The following ELMO1 variants were observed in gnomAD, a reference collection of about 807,000 sequenced individuals.
The protein encoded by ELMO1 is engulfment and cell motility protein 1.
A neutral mutation model predicts 98.9 loss-of-function variants in ELMO1; 26 were observed. That is an observed-to-expected ratio of 0.26 (90% CI 0.19 to 0.36). ELMO1 has a LOEUF of 0.36. Ranked by LOEUF, ELMO1 falls within the 10% of genes least tolerant of loss-of-function variation. ELMO1 has a pLI of 1.00. For synonymous variants in ELMO1, 346 were observed against 346.0 expected, an observed-to-expected ratio of 1.00 and a Z score of 0.00; for missense variants, 627 against 935.2, an observed-to-expected ratio of 0.67 and a Z score of 4.30.
chr7:37,207,792 A>G (rs1483626284), intron 13 of ELMO1, among the ~76,000 whole-genome samples: 1 of 152,088 alleles, frequency 6.6e-6, no homozygotes, highest in Non-Finnish European at 1.5e-5. Flanking sequence ...AAATACAAAC[A>G]TTAGCTGGGT....
At chr7:37,242,070 G>C (rs1794791570) in intron 7 of ELMO1, among the ~76,000 whole-genome samples, 1 of 151,748 alleles carries the variant, frequency 6.6e-6, no homozygotes, top group Non-Finnish European at 1.5e-5. Context: ...TCAAATATTT[G>C]CCTTCCCCAT....
chr7:37,133,849 C>A (rs1167800500), intron 13 of ELMO1, among the ~76,000 whole-genome samples: 1 of 152,146 alleles, frequency 6.6e-6, no homozygotes, highest in Non-Finnish European at 1.5e-5. Context: ...TCTTTAGGGT[C>A]ACCACACACA....
At chr7:37,230,470 G>A (rs980846387) in intron 8 of ELMO1, among the ~76,000 whole-genome samples, 1 of 152,186 alleles carries the variant, frequency 6.6e-6, no homozygotes, top group African/African-American at 2.4e-5. Context: ...CCCTGACCAT[G>A]TGACCAAGGA....
At chr7:37,043,177 C>T (rs1795618576) in intron 15 of ELMO1, among the ~76,000 whole-genome samples, 2 of 152,136 alleles carry the variant, frequency 1.3e-5, no homozygotes, top group South Asian at 4.1e-4. Context: ...CCAATTACCA[C>T]TAAATAAAGA....
At chr7:37,029,945 G>A (rs1794783270) in intron 15 of ELMO1, among the ~76,000 whole-genome samples, 1 of 152,034 alleles carries the variant, frequency 6.6e-6, no homozygotes, top group South Asian at 2.1e-4. Flanking sequence ...CAGTCTTACT[G>A]ACTTATAATG....
chr7:36,908,802 C>T (rs1046345477), intron 16 of ELMO1, among the ~76,000 whole-genome samples: 2 of 152,110 alleles, frequency 1.3e-5, no homozygotes, highest in African/African-American at 2.4e-5. Context: ...TAATTAGGTA[C>T]AGTATCAAGT....
intron 16 of ELMO1, among the ~76,000 whole-genome samples, chr7:36,956,875 C>T (rs1212565173): frequency 1.3e-5 from 2 of 152,292 alleles, no homozygotes; most frequent in South Asian, 2.1e-4. Context: ...AAGGAAAGCA[C>T]GTGTTGATTG....
In ELMO1 at chr7:37,134,092, G is replaced by A. The variant is rs139601270; in HGVS notation, c.1087-858C>T. Among the ~76,000 whole-genome samples the A allele has an allele frequency of 9.3e-4, 141 of 152,204 alleles. 1 individual carries two copies. The highest frequency in any genetic ancestry group is 3.2e-3 in the African/African-American group (134 of 41,542). On this transcript the variant is annotated intron_variant, in intron 13 of 21. Coordinates refer to ENST00000310758, the MANE Select transcript of ELMO1 (RefSeq NM_014800.11). ...ATACCATCTCACACCAGTCAGAATG[G>A]TTACTAGTACAAAGACAAAGAATAA...
intron 4 of ELMO1, among the ~76,000 whole-genome samples, chr7:37,308,394 C>G (rs1411210689): frequency 6.6e-6 from 1 of 152,200 alleles, no homozygotes; most frequent in Non-Finnish European, 1.5e-5. Flanking sequence ...CCAGCCACAT[C>G]TGGATGGTCC....
At chr7:37,164,054 A>G (rs978369173) in intron 13 of ELMO1, among the ~76,000 whole-genome samples, 1 of 152,156 alleles carries the variant, frequency 6.6e-6, no homozygotes, top group African/African-American at 2.4e-5. Context: ...ATAATATCCC[A>G]TTGCGGTTTT....
At chr7:37,222,501 G>A in intron 10 of ELMO1, 114 bp downstream of exon 10, 1 of 1,027,638 alleles carries the variant, frequency 9.7e-7, no homozygotes, top group African/African-American at 1.6e-5. Context: ...GAGTCCATCT[G>A]TGGCCAGGAT....
At chr7:37,286,753 T>G (rs761981487) in intron 4 of ELMO1, among the ~76,000 whole-genome samples, 17 of 152,330 alleles carry the variant, frequency 1.1e-4, no homozygotes, top group Non-Finnish European at 2.5e-4. Flanking sequence ...ATATAGGGAT[T>G]CTTTTTCTTT....
intron 8 of ELMO1, among the ~76,000 whole-genome samples, chr7:37,228,081 A>T (rs1175600765): frequency 6.6e-6 from 1 of 152,146 alleles, no homozygotes; most frequent in Non-Finnish European, 1.5e-5. Context: ...TGGTTTTCTG[A>T]AACTTAACTT....
At chr7:37,077,761 A>T (rs924787941) in intron 15 of ELMO1, among the ~76,000 whole-genome samples, 2 of 152,106 alleles carry the variant, frequency 1.3e-5, no homozygotes, top group African/African-American at 4.8e-5. Flanking sequence ...GGTCAGGAGG[A>T]GCCACAGGTG....
intron 13 of ELMO1, among the ~76,000 whole-genome samples, chr7:37,210,588 TACACACACAG>T (rs1023584755): frequency 5.9e-5 from 9 of 151,436 alleles, no homozygotes; most frequent in African/African-American, 1.9e-4. Context: ...CTTATATATA[TACACACACAG>T]ACACACACAT....
intron 16 of ELMO1, among the ~76,000 whole-genome samples, chr7:36,928,662 C>T (rs574426994): frequency 3.3e-5 from 5 of 152,210 alleles, no homozygotes; most frequent in East Asian, 1.9e-4. Flanking sequence ...AGGAGCAGGC[C>T]GAGTAAACTC....
chr7:37,203,783 C>A (rs981779814), intron 13 of ELMO1, among the ~76,000 whole-genome samples: 1 of 151,270 alleles, frequency 6.6e-6, no homozygotes, highest in African/African-American at 2.4e-5. Flanking sequence ...GGACGACATG[C>A]CTTTGAGAGT....
At chr7:36,938,220 T>C (rs933986449) in intron 16 of ELMO1, among the ~76,000 whole-genome samples, 1 of 152,240 alleles carries the variant, frequency 6.6e-6, no homozygotes, top group Non-Finnish European at 1.5e-5. Context: ...ATAGTTGTCA[T>C]TGTAATTATG....
intron 16 of ELMO1, among the ~76,000 whole-genome samples, chr7:36,957,888 C>A (rs537564453): frequency 1.3e-5 from 2 of 152,190 alleles, no homozygotes; most frequent in African/African-American, 4.8e-5. Flanking sequence ...CTGTAGGTAG[C>A]CCCTCCGGCA....
Sources: allele counts gnomAD v4.1 joint callset (sites outside exome capture counted in the v4.1 genomes callset), GRCh38; gene constraint gnomAD v4.1.1; transcripts MANE v1.5; gene names NCBI Gene and HGNC (gene_info 2026-07-23, HGNC 2026-07-21).